The following ROBO1 variants were observed in gnomAD, a reference collection of about 807,000 sequenced individuals.
The protein encoded by ROBO1 is roundabout guidance receptor 1, also known as roundabout homolog 1.
Under a neutral mutation model 195.9 loss-of-function variants are expected in ROBO1, and 149 were observed. That is an observed-to-expected ratio of 0.76 (90% CI 0.67 to 0.87). The LOEUF (loss-of-function observed/expected upper bound fraction) is 0.87. Ranked by LOEUF, ROBO1 falls within the 40% of genes least tolerant of loss-of-function variation. The pLI, the probability that ROBO1 is intolerant of heterozygous loss-of-function variation, is 0.00. For synonymous variants in ROBO1, 816 were observed against 733.2 expected (o/e 1.11, Z -1.82); for missense variants, 1,933 against 2,068.3 (o/e 0.93, Z 1.27).
intron 4 of ROBO1, among the ~76,000 whole-genome samples, chr3:78,783,164 G>A (rs1469270623): frequency 6.6e-6 from 1 of 152,068 alleles, no homozygotes; most frequent in African/African-American, 2.4e-5. Context: ...GGTGAAGTCT[G>A]GGCTTTTAGT....
chr3:79,433,386 C>CATTTTTT (rs1415444460), intron 2 of ROBO1, among the ~76,000 whole-genome samples: 3 of 152,040 alleles, frequency 2.0e-5, no homozygotes, highest in South Asian at 2.1e-4. Flanking sequence ...TTGTAAAACA[C>CATTTTTT]ATTTTTTATT....
chr3:79,597,459 A>G (rs994941439), intron 1 of ROBO1, among the ~76,000 whole-genome samples: 3 of 152,102 alleles, frequency 2.0e-5, no homozygotes, highest in Non-Finnish European at 2.9e-5. Context: ...TAGAGTACAT[A>G]AAGCACAGTT....
intron 5 of ROBO1, among the ~76,000 whole-genome samples, chr3:78,719,229 A>G (rs971250979): frequency 5.9e-5 from 9 of 152,100 alleles, no homozygotes; most frequent in African/African-American, 1.7e-4. Context: ...TGACGCCTGC[A>G]CGCAGTAGTC....
At chr3:79,578,201 G>A (rs1943556212) in intron 2 of ROBO1, among the ~76,000 whole-genome samples, 1 of 152,102 alleles carries the variant, frequency 6.6e-6, no homozygotes, top group African/African-American at 2.4e-5. Flanking sequence ...TTACTTGCAG[G>A]TATGAAAAAT....
chr3:79,004,650 G>A (rs1325159660), intron 3 of ROBO1, among the ~76,000 whole-genome samples: 2 of 152,126 alleles, frequency 1.3e-5, no homozygotes, highest in Non-Finnish European at 2.9e-5. Flanking sequence ...TGGAAAACAG[G>A]GGAGGGAAAA....
chr3:79,202,085 G>A (rs1452583248), intron 2 of ROBO1, among the ~76,000 whole-genome samples: 1 of 151,752 alleles, frequency 6.6e-6, no homozygotes, highest in Admixed American at 6.6e-5. Context: ...TTCAAGTCTG[G>A]GCGGCAGCCC....
intron 2 of ROBO1, among the ~76,000 whole-genome samples, chr3:79,324,987 A>G (rs762614347): frequency 6.6e-6 from 1 of 152,232 alleles, no homozygotes; most frequent in Non-Finnish European, 1.5e-5. Context: ...GAGCATGGAC[A>G]GAGTCAATAG....
chr3:79,681,806 A>T (rs1255345175), intron 1 of ROBO1, among the ~76,000 whole-genome samples: 1 of 152,012 alleles, frequency 6.6e-6, no homozygotes, highest in African/African-American at 2.4e-5. Flanking sequence ...CAGACAACAA[A>T]ACAGACAATG....
In ROBO1 at chr3:78,787,744, T is replaced by C. The variant is rs2083880534; in HGVS notation, c.500-40844A>G. On this transcript the variant is annotated intron_variant, in intron 4 of 30. Transcript: ENST00000464233. ...GATCACTTGAAGCCAGAAGCCAGGA[T>C]TTCGAGACGAGCACAGGCAACAAAA... Among the ~76,000 whole-genome samples, 3 of 151,850 alleles carry C rather than the reference T, an allele frequency of 2.0e-5. No individual in the cohort carries two copies. In the South Asian group the frequency reaches 6.2e-4, roughly 32 times the overall value.
intron 3 of ROBO1, among the ~76,000 whole-genome samples, chr3:79,087,038 T>G (rs949772415): frequency 6.6e-6 from 1 of 152,006 alleles, no homozygotes; most frequent in African/African-American, 2.4e-5. Flanking sequence ...GCTAGTGATG[T>G]TATTAAAAAT....
intron 3 of ROBO1, among the ~76,000 whole-genome samples, chr3:79,050,430 C>T (rs981566555): frequency 6.6e-6 from 1 of 152,142 alleles, no homozygotes; most frequent in African/African-American, 2.4e-5. Context: ...GAGACTTAGA[C>T]TCCCACACAA....
chr3:79,707,933 G>A (rs1271943538), intron 1 of ROBO1, among the ~76,000 whole-genome samples: 1 of 152,108 alleles, frequency 6.6e-6, no homozygotes, highest in Non-Finnish European at 1.5e-5. Context: ...ACTAAGAAGA[G>A]TATAACATAA....
At chr3:79,575,390 C>A (rs1943444010) in intron 2 of ROBO1, among the ~76,000 whole-genome samples, 8 of 108,196 alleles carry the variant, frequency 7.4e-5, no homozygotes, top group South Asian at 2.7e-4. Flanking sequence ...ATATAGATAA[C>A]AAATATATAT....
intron 1 of ROBO1, among the ~76,000 whole-genome samples, chr3:79,757,137 T>C (rs1704450993): frequency 1.3e-5 from 2 of 152,194 alleles, no homozygotes; most frequent in African/African-American, 4.8e-5. Flanking sequence ...GTACAAATAC[T>C]TTGTTTGAGT....
chr3:78,653,708 G>T (rs771421936), intron 18 of ROBO1, among the ~76,000 whole-genome samples: 2 of 152,186 alleles, frequency 1.3e-5, no homozygotes, highest in African/African-American at 2.4e-5. Context: ...CTTCCTCCCA[G>T]TCAAGGCTCT....
intron 1 of ROBO1, among the ~76,000 whole-genome samples, chr3:79,756,364 A>G (rs1704396285): frequency 1.3e-5 from 2 of 151,992 alleles, no homozygotes; most frequent in South Asian, 4.2e-4. Flanking sequence ...AGCCTGAACA[A>G]CAAGGTGAAA....
At chr3:79,762,408 T>C (rs1704745502) in intron 1 of ROBO1, among the ~76,000 whole-genome samples, 1 of 151,626 alleles carries the variant, frequency 6.6e-6, no homozygotes, top group Non-Finnish European at 1.5e-5. Flanking sequence ...ATTCAGAACA[T>C]AGCGCAGTCT....
In ROBO1 at chr3:79,495,664, A is replaced by G. The variant is rs139822745; in HGVS notation, c.88+94160T>C. Among the ~76,000 whole-genome samples, 102 of 152,324 alleles carry G rather than the reference A, an allele frequency of 6.7e-4. 2 individuals are homozygous for G. The East Asian group carries it at 0.019, about 29-fold the overall frequency. ...AGTTGATATTATCTAACTTTGATAC[A>G]TGCGGTTAAAATGATACTTTCCAAA... On this transcript the variant is annotated intron_variant, in intron 2 of 30. Transcript: ENST00000464233.
chr3:78,946,124 C>T (rs1334358904), intron 3 of ROBO1, among the ~76,000 whole-genome samples: 1 of 152,058 alleles, frequency 6.6e-6, no homozygotes, highest in Non-Finnish European at 1.5e-5. Context: ...AAGGACTTCC[C>T]CAATCTAGCA....
Sources: gnomAD v4.1 joint callset for allele counts (sites outside exome capture counted in the v4.1 genomes callset) on GRCh38, gnomAD v4.1.1 for gene constraint, MANE v1.5 for transcripts, NCBI Gene and HGNC (gene_info 2026-07-23, HGNC 2026-07-21) for gene names.